DLGAP2: variants seen among roughly 807,000 people sequenced by gnomAD.
DLGAP2 encodes the protein disks large-associated protein 2.
DLGAP2 carries 26 observed loss-of-function variants against 100.3 expected under a neutral mutation model. That is an observed-to-expected ratio of 0.26 (90% confidence interval 0.19 to 0.36). DLGAP2 has a LOEUF of 0.36. Ranked by LOEUF, DLGAP2 falls within the 10% of genes least tolerant of loss-of-function variation. DLGAP2 has a pLI of 1.00. For missense variants in DLGAP2, 1,858 were observed against 1,453.2 expected (o/e 1.28, Z -4.53); for synonymous variants, 886 against 630.1 (o/e 1.41, Z -6.08).
intron 4 of DLGAP2, among the ~76,000 whole-genome samples, chr8:1,523,880 G>C (rs532525732): frequency 2.6e-5 from 4 of 152,308 alleles, no homozygotes; most frequent in African/African-American, 7.2e-5. Context: ...TAACCGCATA[G>C]AATTTCACTT....
chr8:887,343 T>C (rs1797943175), intron 1 of DLGAP2, among the ~76,000 whole-genome samples: 3 of 152,250 alleles, frequency 2.0e-5, no homozygotes, highest in African/African-American at 7.2e-5. Flanking sequence ...AGTCTGTGTC[T>C]GTTAATTGGG....
At chr8:901,833 A>T (rs1798257874) in intron 1 of DLGAP2, among the ~76,000 whole-genome samples, 1 of 152,228 alleles carries the variant, frequency 6.6e-6, no homozygotes, top group Non-Finnish European at 1.5e-5. Flanking sequence ...CAGCCATTTA[A>T]TACTTGCCCT....
At chr8:1,180,139 C>G (rs1392385763) in intron 2 of DLGAP2, among the ~76,000 whole-genome samples, 1 of 152,210 alleles carries the variant, frequency 6.6e-6, no homozygotes, top group Non-Finnish European at 1.5e-5. Context: ...GTGACGTGAA[C>G]TTCCTCCTTT....
chr8:889,252 G>T (rs1365132896), intron 1 of DLGAP2, among the ~76,000 whole-genome samples: 1 of 152,252 alleles, frequency 6.6e-6, no homozygotes, highest in East Asian at 1.9e-4. Context: ...GGTCACAGGG[G>T]ATATGATGGC....
intron 7 of DLGAP2, among the ~76,000 whole-genome samples, chr8:1,627,508 G>A (rs528923934): frequency 4.6e-5 from 7 of 152,232 alleles, no homozygotes; most frequent in African/African-American, 9.6e-5. Context: ...TGAAAAAATC[G>A]GCAAGTGTCC....
intron 1 of DLGAP2, among the ~76,000 whole-genome samples, chr8:857,223 T>C (rs992170936): frequency 6.6e-6 from 1 of 152,076 alleles, no homozygotes; most frequent in African/African-American, 2.4e-5. Context: ...TAACACAAAA[T>C]GCAAAACTAT....
At chr8:1,319,561 T>C (rs1585255904) in intron 3 of DLGAP2, among the ~76,000 whole-genome samples, 3 of 152,312 alleles carry the variant, frequency 2.0e-5, no homozygotes, top group Admixed American at 2.0e-4. Context: ...CAATCACTGA[T>C]TTCAAGGAGC....
chr8:1,164,264 C>CCCCCAGGGCCTG (rs1796963712), intron 2 of DLGAP2, among the ~76,000 whole-genome samples: 5 of 43,852 alleles, frequency 1.1e-4, no homozygotes, highest in African/African-American at 4.7e-4. Flanking sequence ...CCCAGGGCCC[C>CCCCCAGGGCCTG]TCGTTTTGGT....
intron 3 of DLGAP2, among the ~76,000 whole-genome samples, chr8:1,410,635 G>GTT (rs1377426327): frequency 1.3e-5 from 2 of 152,312 alleles, no homozygotes; most frequent in African/African-American, 4.8e-5. Flanking sequence ...GGGGGAGCTT[G>GTT]TAAGTATGAA....
Position 1,668,317 on chromosome 8 carries a change from C to A in DLGAP2, c.1811-12C>A. 1.4e-6 allele frequency: 2 copies of A among 1,470,668 alleles called. No individual in the cohort carries two copies. Among genetic ancestry groups the A allele is most frequent in the Non-Finnish European group, 1.8e-6 (2 of 1,109,576 alleles). The allele number at this position is 1,470,668 out of a possible 1,614,324, so 91.1% of individuals were successfully genotyped here. Reference sequence around the variant, plus strand: ...AACACGCCTGTTGACTTGGGACTTTCTTTTCTTACAGCTGTCTCATATACA... The same window carrying A: ...AACACGCCTGTTGACTTGGGACTTTATTTTCTTACAGCTGTCTCATATACA... On this transcript the variant is annotated splice_polypyrimidine_tract_variant and intron_variant, in intron 8 of 14. Coordinates refer to ENST00000637795, the MANE Select transcript of DLGAP2 (RefSeq NM_001346810.2).
intron 6 of DLGAP2, among the ~76,000 whole-genome samples, chr8:1,588,002 C>G (rs1399655077): frequency 6.6e-6 from 1 of 152,154 alleles, no homozygotes; most frequent in Non-Finnish European, 1.5e-5. Context: ...GCCCCATAAC[C>G]AAGGGCCTTA....
chr8:1,471,563 G>A (rs571955145), intron 3 of DLGAP2, among the ~76,000 whole-genome samples: 187 of 124,894 alleles, frequency 1.5e-3, no homozygotes, highest in African/African-American at 5.3e-3. Context: ...CCTCTGCGAC[G>A]CCCTCCCCTC....
chr8:1,093,176 A>G (rs1283232053), intron 2 of DLGAP2, among the ~76,000 whole-genome samples: 1 of 152,172 alleles, frequency 6.6e-6, no homozygotes, highest in East Asian at 1.9e-4. Flanking sequence ...CTTCACCCAC[A>G]GTCCACCAAT....
intron 2 of DLGAP2, among the ~76,000 whole-genome samples, chr8:1,024,171 T>C (rs1284420704): frequency 9.8e-6 from 1 of 101,904 alleles, no homozygotes; most frequent in Non-Finnish European, 2.4e-5. Flanking sequence ...CCACCCACCC[T>C]CCCTGGGGGT....
intron 3 of DLGAP2, among the ~76,000 whole-genome samples, chr8:1,318,809 G>A (rs539848234): frequency 7.8e-6 from 1 of 127,572 alleles, no homozygotes; most frequent in African/African-American, 3.3e-5. Context: ...CCATCCTTGG[G>A]GCCTCCAATG....
rs570998898 is a variant in DLGAP2, at chr8:1,676,436, C to T, written c.2203-97C>T. On this transcript the variant is annotated intron_variant, in intron 10 of 14. Coordinates refer to ENST00000637795, the MANE Select transcript of DLGAP2 (RefSeq NM_001346810.2). ...CACCGCTGCATTAATTAAACAAATG[C>T]GTAATTAATTACAGCAAATCCACAA... The T allele has an allele frequency of 8.4e-5, 108 of 1,281,974 alleles. 1 individual carries two copies. The South Asian group carries it at 1.2e-3, about 14-fold the overall frequency. The allele number at this position is 1,281,974 out of a possible 1,614,324, so 79.4% of individuals were successfully genotyped here.
At chr8:1,632,704 A>G (rs1797676747) in intron 7 of DLGAP2, 123 bp from the exon 8 acceptor site, 2 of 896,524 alleles carry the variant, frequency 2.2e-6, no homozygotes, top group East Asian at 5.4e-5. Context: ...ACTTCAGGTT[A>G]ACTGTGCTGA....
chr8:1,244,841 G>A (rs901200185), intron 2 of DLGAP2, among the ~76,000 whole-genome samples: 5 of 152,164 alleles, frequency 3.3e-5, no homozygotes, highest in Non-Finnish European at 5.9e-5. Context: ...AAGTAAGAAG[G>A]AAACTCAAGT....
chr8:1,626,876 T>G lies in DLGAP2; in HGVS notation c.1579T>G (p.Cys527Gly). ...CGTCAGCACCCTGAGCCAGGCCAGC[T>G]GCGTGAGCCAGGTCAGGGTCCCTTC... ...RAVSTLSQAS[C>G]VSQVSEAEIN... Residue 527 changes from cysteine to glycine, a missense_variant, in exon 7 of 15, where the codon TGC (cysteine) becomes GGC (glycine). By Grantham distance (159) the Cys-to-Gly change is radical. Coordinates refer to ENST00000637795, the MANE Select transcript of DLGAP2 (RefSeq NM_001346810.2). 6.2e-7 allele frequency: 1 copy of G among 1,602,424 alleles called. No homozygotes were observed. The highest frequency in any genetic ancestry group is 8.5e-7 in the Non-Finnish European group (1 of 1,174,766).
Sources: allele counts gnomAD v4.1 joint callset (sites outside exome capture counted in the v4.1 genomes callset), GRCh38; gene constraint gnomAD v4.1.1; transcripts MANE v1.5; gene names NCBI Gene and HGNC (gene_info 2026-07-23, HGNC 2026-07-21).